Variants in ZNF385D observed in about 807,000 individuals in gnomAD.
ZNF385D encodes the protein zinc finger protein 659.
Under a neutral mutation model 35.8 loss-of-function variants are expected in ZNF385D, and 15 were observed. The observed-to-expected ratio is 0.42, with a 90% CI of 0.28 to 0.64. The LOEUF (loss-of-function observed/expected upper bound fraction) is 0.64. Ranked by LOEUF, ZNF385D falls within the 30% of genes least tolerant of loss-of-function variation. ZNF385D has a pLI of 0.23. For missense variants in ZNF385D, 474 were observed against 494.6 expected (o/e 0.96, Z 0.39); for synonymous variants, 212 against 186.8 (o/e 1.13, Z -1.10).
chr3:21,430,883 A>G (rs1178926149), intron 5 of ZNF385D, among the ~76,000 whole-genome samples: 1 of 152,166 alleles, frequency 6.6e-6, no homozygotes, highest in Non-Finnish European at 1.5e-5. Flanking sequence ...GTATAATTGC[A>G]ACATAATGCT....
At chr3:21,912,474 G>A (rs1051976155) in intron 3 of ZNF385D, among the ~76,000 whole-genome samples, 10 of 151,910 alleles carry the variant, frequency 6.6e-5, no homozygotes, top group Non-Finnish European at 1.5e-5. Context: ...TTCTTTCCAC[G>A]GATACACAGA....
intron 3 of ZNF385D, among the ~76,000 whole-genome samples, chr3:21,817,781 CTAGA>C (rs1384273092): frequency 2.2e-4 from 34 of 152,258 alleles, no homozygotes; most frequent in African/African-American, 8.2e-4. Flanking sequence ...CCTCTGGGAT[CTAGA>C]ACTAGAAATA....
chr3:21,431,872 A>G (rs1701306996), intron 5 of ZNF385D, among the ~76,000 whole-genome samples: 1 of 152,166 alleles, frequency 6.6e-6, no homozygotes, highest in African/African-American at 2.4e-5. Flanking sequence ...TTTCACATGA[A>G]GCAAGTATGT....
intron 4 of ZNF385D, among the ~76,000 whole-genome samples, chr3:21,491,224 T>A (rs1290758313): frequency 6.7e-6 from 1 of 148,682 alleles, no homozygotes; most frequent in Non-Finnish European, 1.5e-5. Context: ...GGTTTTTTTT[T>A]TGGGAAAAGA....
At chr3:22,137,921 C>G (rs1188971141) in intron 3 of ZNF385D, among the ~76,000 whole-genome samples, 4 of 151,966 alleles carry the variant, frequency 2.6e-5, no homozygotes, top group Non-Finnish European at 5.9e-5. Context: ...CTAGAAAACC[C>G]CATCGTCTCA....
chr3:21,570,621 G>A (rs1463720578), intron 2 of ZNF385D, among the ~76,000 whole-genome samples: 1 of 152,088 alleles, frequency 6.6e-6, no homozygotes, highest in Non-Finnish European at 1.5e-5. Context: ...TAACTTTAAA[G>A]GTTACACTTA....
chr3:21,849,160 C>T (rs561111361), intron 3 of ZNF385D, among the ~76,000 whole-genome samples: 18 of 152,140 alleles, frequency 1.2e-4, no homozygotes, highest in South Asian at 6.2e-4. Context: ...TCTAATTCAA[C>T]GCATTTTACT....
At chr3:22,183,164 T>C (rs1559434949) in intron 2 of ZNF385D, among the ~76,000 whole-genome samples, 1 of 152,140 alleles carries the variant, frequency 6.6e-6, no homozygotes, top group Non-Finnish European at 1.5e-5. Context: ...AACTATAGCA[T>C]GAATAGTTAA....
intron 3 of ZNF385D, among the ~76,000 whole-genome samples, chr3:21,947,592 C>G (rs1045169545): frequency 6.6e-6 from 1 of 152,114 alleles, no homozygotes; most frequent in Non-Finnish European, 1.5e-5. Context: ...CCTCACGAAC[C>G]GCCCACATTG....
chr3:21,996,834 A>C lies in ZNF385D; in HGVS notation c.325+171983T>G, dbSNP rs1261350718. On this transcript the variant is annotated intron_variant, in intron 3 of 5. Transcript: ENST00000494108. ...AAGGAGGATTAGCACATTCATTCAT[A>C]TTTCTATTGGAAAAAGAGAAGCGAT... Among the ~76,000 whole-genome samples, 3 of 152,196 alleles carry C rather than the reference A, an allele frequency of 2.0e-5. No individual in the cohort carries two copies. The East Asian group carries it at 5.8e-4, about 29-fold the overall frequency.
At chr3:21,754,353 G>C (rs2070243486), upstream of ZNF385D, among the ~76,000 whole-genome samples, 1 of 152,150 alleles carries the variant, frequency 6.6e-6, no homozygotes, top group African/African-American at 2.4e-5. Context: ...CTAAGAATCT[G>C]TGAGAACCTA....
intron 3 of ZNF385D, among the ~76,000 whole-genome samples, chr3:22,006,546 A>G (rs1696216433): frequency 6.6e-6 from 1 of 152,078 alleles, no homozygotes; most frequent in African/African-American, 2.4e-5. Context: ...AAAAGATAGG[A>G]AAGATAAAAA....
intron 3 of ZNF385D, among the ~76,000 whole-genome samples, chr3:22,080,510 C>T (rs1184300997): frequency 6.6e-6 from 1 of 151,994 alleles, no homozygotes; most frequent in Non-Finnish European, 1.5e-5. Context: ...CAATAAGCGG[C>T]CACTCAGTAT....
chr3:22,194,740 A>T (rs1033735307), intron 2 of ZNF385D, among the ~76,000 whole-genome samples: 67 of 151,918 alleles, frequency 4.4e-4, no homozygotes, highest in African/African-American at 1.6e-3. Context: ...ATGTAGGTAG[A>T]ATAAAAAAGT....
intron 1 of ZNF385D, among the ~76,000 whole-genome samples, chr3:21,707,688 G>A (rs1559538397): frequency 6.6e-6 from 1 of 152,126 alleles, no homozygotes; most frequent in South Asian, 2.1e-4. Context: ...TGGTCAATTC[G>A]AATATAGATA....
At chr3:22,102,783 A>G (rs1167858995) in intron 3 of ZNF385D, among the ~76,000 whole-genome samples, 1 of 152,000 alleles carries the variant, frequency 6.6e-6, no homozygotes, top group African/African-American at 2.4e-5. Context: ...GTGTTTTCCC[A>G]AGCAGTTGTA....
chr3:22,015,967 G>A (rs9989964), intron 3 of ZNF385D, among the ~76,000 whole-genome samples: 9,550 of 152,036 alleles, frequency 0.063, 1,004 homozygotes, highest in African/African-American at 0.21. Flanking sequence ...TTATCCTTTT[G>A]GGTACAAACC....
At chr3:22,220,546 G>C (rs887930185) in intron 2 of ZNF385D, among the ~76,000 whole-genome samples, 1 of 152,098 alleles carries the variant, frequency 6.6e-6, no homozygotes, top group Non-Finnish European at 1.5e-5. Flanking sequence ...TGATTTTCTA[G>C]ATTCTGTTAT....
At chr3:22,045,650 G>A (rs34602200) in intron 3 of ZNF385D, among the ~76,000 whole-genome samples, 1 of 152,118 alleles carries the variant, frequency 6.6e-6, no homozygotes, top group Non-Finnish European at 1.5e-5. Context: ...GCTGAGTAAA[G>A]GTGGTATTTT....
Sources: gnomAD v4.1 joint callset for allele counts (sites outside exome capture counted in the v4.1 genomes callset) on GRCh38, gnomAD v4.1.1 for gene constraint, MANE v1.5 for transcripts, NCBI Gene and HGNC (gene_info 2026-07-23, HGNC 2026-07-21) for gene names.